The following WWP1 variants were observed in gnomAD, a reference collection of about 807,000 sequenced individuals.
WWP1 encodes the protein WW domain containing E3 ubiquitin protein ligase 1, also known as NEDD4-like E3 ubiquitin-protein ligase WWP1.
WWP1 carries 49 observed loss-of-function variants against 130.6 expected under a neutral mutation model. The observed-to-expected ratio is 0.38, with a 90% confidence interval of 0.30 to 0.48. The LOEUF is 0.48. Among genes scored for constraint, WWP1 ranks in the 20% least tolerant of loss-of-function variants. The pLI is 0.99. For synonymous variants in WWP1, 332 were observed against 367.8 expected, an observed-to-expected ratio of 0.90 and a Z score of 1.11; for missense variants, 809 against 1,100.6, an observed-to-expected ratio of 0.74 and a Z score of 3.75.
chr8:86,448,860 G>A (rs1811025691), intron 20 of WWP1, among the ~76,000 whole-genome samples: 1 of 152,078 alleles, frequency 6.6e-6, no homozygotes, highest in Admixed American at 6.6e-5. Context: ...TTTTTAGAGA[G>A]AGTTTCACTC....
At chr8:86,399,620 A>G (rs150596957) in intron 7 of WWP1, among the ~76,000 whole-genome samples, 15 of 152,318 alleles carry the variant, frequency 9.8e-5, no homozygotes, top group Admixed American at 8.5e-4. Flanking sequence ...CTGAATGTAT[A>G]TTTGGCTTAA....
intron 9 of WWP1, among the ~76,000 whole-genome samples, chr8:86,423,336 A>T (rs968343139): frequency 6.6e-6 from 1 of 152,150 alleles, no homozygotes; most frequent in Admixed American, 6.5e-5. Flanking sequence ...CAAGTGAACA[A>T]AGGTCTCTGG....
Position 86,342,579 on chromosome 8 carries a change from C to A in WWP1, c.-466C>A, listed in dbSNP as rs1461292012. Among the ~76,000 whole-genome samples, 6 of 150,978 alleles carry A rather than the reference C, an allele frequency of 4.0e-5. No homozygotes were observed. The highest frequency in any genetic ancestry group is 5.9e-5 in the Non-Finnish European group (4 of 67,676). ...GTCCGGAGTTGGAGGCTTTGGGCGG[C>A]CGCGGCGTAGCGCGCGGTGCCGGGG... On this transcript the variant is annotated 5_prime_UTR_variant, in exon 1 of 25. Transcript: ENST00000517970.
chr8:86,435,866 G>A (rs987018931), intron 16 of WWP1, among the ~76,000 whole-genome samples, 162 bp downstream of exon 16: 3 of 152,102 alleles, frequency 2.0e-5, no homozygotes, highest in Non-Finnish European at 4.4e-5. Context: ...GTTTTGTTTT[G>A]TTCTGTTTTC....
rs267602027 is a variant in WWP1, at chr8:86,425,279, G to A, written c.1118G>A (p.Arg373Gln). ...ACCTATTATGTGGATCATAATACTC[G>A]AACTACCACATGGGAGAGACCACAA... ...GRTYYVDHNT[R>Q]TTTWERPQPL... Residue 373 changes from arginine to glutamine, a missense_variant, in exon 10 of 25, where the codon CGA becomes CAA. Physicochemically the swap from Arg to Gln is conservative, Grantham distance 43 (BLOSUM62 1). Coordinates refer to ENST00000517970, the MANE Select transcript of WWP1 (RefSeq NM_007013.4). The A allele has an allele frequency of 1.2e-6, 2 of 1,613,196 alleles. No individual in the cohort carries two copies. The highest frequency in any genetic ancestry group is 3.3e-5 in the Admixed American group (2 of 59,946).
intron 2 of WWP1, among the ~76,000 whole-genome samples, chr8:86,371,023 G>A (rs1339395427): frequency 6.7e-6 from 1 of 149,006 alleles, no homozygotes; most frequent in Non-Finnish European, 1.5e-5. Context: ...CTGCCACCTC[G>A]CCTGGCTAAT....
chr8:86,359,763 G>A (rs935184803), intron 1 of WWP1, among the ~76,000 whole-genome samples: 5 of 151,952 alleles, frequency 3.3e-5, no homozygotes, highest in African/African-American at 4.8e-5. Flanking sequence ...ATTAAAAACA[G>A]TCCTCGGCGG....
intron 3 of WWP1, among the ~76,000 whole-genome samples, chr8:86,379,911 G>T (rs1016883976): frequency 2.0e-5 from 3 of 152,130 alleles, no homozygotes; most frequent in Non-Finnish European, 4.4e-5. Context: ...AGTGTATATT[G>T]TTGATAGGAA....
chr8:86,361,429 C>T (rs1305935159), intron 1 of WWP1, among the ~76,000 whole-genome samples: 1 of 152,176 alleles, frequency 6.6e-6, no homozygotes, highest in African/African-American at 2.4e-5. Flanking sequence ...GCTACCCTTA[C>T]AACACTGTCA....
chr8:86,440,519 T>TA, intron 17 of WWP1: 1 of 323,722 alleles, frequency 3.1e-6, no homozygotes, highest in Admixed American at 4.2e-5. Context: ...CTGTGAAGTG[T>TA]GAGGCCAGCC....
intron 24 of WWP1, among the ~76,000 whole-genome samples, chr8:86,462,172 T>C (rs2130114038): frequency 6.6e-6 from 1 of 152,248 alleles, no homozygotes; most frequent in East Asian, 1.9e-4. Flanking sequence ...AAATAACTAT[T>C]TGCAAATCCT....
chr8:86,432,550 CA>C (rs72136808), intron 14 of WWP1, among the ~76,000 whole-genome samples: 6 of 145,300 alleles, frequency 4.1e-5, no homozygotes, highest in Admixed American at 2.1e-4. Context: ...AAAAAAAAAG[CA>C]AAAAAAAAAA....
At chr8:86,426,224 C>G (rs1180796928) in intron 10 of WWP1, among the ~76,000 whole-genome samples, 3 of 152,208 alleles carry the variant, frequency 2.0e-5, no homozygotes, top group Non-Finnish European at 4.4e-5. Flanking sequence ...TATAGTCATT[C>G]ATTTAGTCCA....
intron 17 of WWP1, 89 bp downstream of exon 17, chr8:86,438,762 G>A: frequency 2.7e-6 from 3 of 1,108,864 alleles, no homozygotes; most frequent in Non-Finnish European, 3.7e-6. Context: ...TGAATATATT[G>A]TATTAAATTT....
intron 9 of WWP1, among the ~76,000 whole-genome samples, chr8:86,417,856 G>C (rs1808975761): frequency 6.6e-6 from 1 of 152,002 alleles, no homozygotes; most frequent in African/African-American, 2.4e-5. Flanking sequence ...CCTTGTTCTA[G>C]GCATGTGCAG....
At chr8:86,457,058 G>C (rs1811486442) in intron 21 of WWP1, among the ~76,000 whole-genome samples, 1 of 151,804 alleles carries the variant, frequency 6.6e-6, no homozygotes, top group South Asian at 2.1e-4. Context: ...TGTAATGGTG[G>C]TTACACAGGT....
chr8:86,450,623 T>C (rs1319422699), intron 20 of WWP1, among the ~76,000 whole-genome samples: 1 of 152,248 alleles, frequency 6.6e-6, no homozygotes, highest in South Asian at 2.1e-4. Flanking sequence ...TGTAATACTA[T>C]TGATAGCTAA....
chr8:86,344,718 A>T (rs1179348647), intron 1 of WWP1, among the ~76,000 whole-genome samples: 4 of 152,180 alleles, frequency 2.6e-5, no homozygotes, highest in Non-Finnish European at 5.9e-5. Flanking sequence ...AAGGACGATT[A>T]TGACTTTGGA....
At chr8:86,373,127 GA>G (rs1328926907) in intron 2 of WWP1, among the ~76,000 whole-genome samples, 1 of 147,486 alleles carries the variant, frequency 6.8e-6, no homozygotes, top group Non-Finnish European at 1.5e-5. Flanking sequence ...TAAATATTTA[GA>G]AGTGTTTTTA....
Sources: gnomAD v4.1 joint callset for allele counts (sites outside exome capture counted in the v4.1 genomes callset) on GRCh38, gnomAD v4.1.1 for gene constraint, MANE v1.5 for transcripts, NCBI Gene and HGNC (gene_info 2026-07-23, HGNC 2026-07-21) for gene names.